The following EMCN variants were observed in gnomAD, a reference collection of about 807,000 sequenced individuals.
EMCN encodes MUC-14.
In EMCN, 37 loss-of-function variants were observed where a neutral mutation model predicts 38.4. The ratio of observed to expected loss-of-function variants is 0.96; its 90% CI spans 0.74 to 1.27. The LOEUF (loss-of-function observed/expected upper bound fraction) is 1.27, where lower values mean the gene tolerates loss of function less well. Ranked by LOEUF, EMCN falls within the 50% of genes most tolerant of loss-of-function variation. EMCN has a pLI of 0.00. For synonymous variants in EMCN, 95 were observed against 100.8 expected (o/e 0.94, Z 0.35); for missense variants, 318 against 302.8 (o/e 1.05, Z -0.37).
chr4:100,421,671 A>C (rs1726892574), intron 7 of EMCN, among the ~76,000 whole-genome samples: 2 of 151,980 alleles, frequency 1.3e-5, no homozygotes, highest in African/African-American at 4.8e-5. Context: ...CTGGAGAAGC[A>C]GAAGATGTAC....
At chr4:100,495,943 G>A (rs1337803865) in intron 1 of EMCN, among the ~76,000 whole-genome samples, 1 of 152,046 alleles carries the variant, frequency 6.6e-6, no homozygotes, top group Non-Finnish European at 1.5e-5. Context: ...AAGTAGAAGA[G>A]TAAAACAACT....
chr4:100,426,379 G>A (rs561356369), intron 5 of EMCN, among the ~76,000 whole-genome samples: 10 of 152,154 alleles, frequency 6.6e-5, no homozygotes, highest in East Asian at 1.9e-4. Flanking sequence ...ATTCCCTGAT[G>A]GTCTTGCTGA....
chr4:100,438,527 T>C (rs1345151157), intron 5 of EMCN, among the ~76,000 whole-genome samples: 1 of 152,074 alleles, frequency 6.6e-6, no homozygotes, highest in Admixed American at 6.6e-5. Flanking sequence ...GATTATTTCA[T>C]CTGCAAGTGG....
intron 5 of EMCN, among the ~76,000 whole-genome samples, chr4:100,432,616 G>A (rs893626234): frequency 6.6e-6 from 1 of 152,122 alleles, no homozygotes; most frequent in African/African-American, 2.4e-5. Context: ...TACCAGATAT[G>A]TTACAGTGGG....
intron 1 of EMCN, among the ~76,000 whole-genome samples, chr4:100,489,339 T>A (rs757726538): frequency 3.9e-5 from 6 of 152,212 alleles, no homozygotes; most frequent in African/African-American, 7.2e-5. Context: ...TTAGGGTATA[T>A]GATCTTATGG....
chr4:100,461,743 AC>A (rs1728184622), intron 4 of EMCN, among the ~76,000 whole-genome samples: 1 of 152,116 alleles, frequency 6.6e-6, no homozygotes, highest in African/African-American at 2.4e-5. Context: ...AATCTCACTA[AC>A]TCTTCTACTC....
chr4:100,413,912 G>A (rs1348222884), intron 10 of EMCN, among the ~76,000 whole-genome samples: 11 of 152,158 alleles, frequency 7.2e-5, no homozygotes, highest in Non-Finnish European at 1.3e-4. Context: ...GTCTGCCATC[G>A]TCTATTCCAC....
chr4:100,473,358 G>A (rs1423733895), intron 3 of EMCN, among the ~76,000 whole-genome samples: 2 of 58,414 alleles, frequency 3.4e-5, no homozygotes, highest in Non-Finnish European at 8.0e-5. Flanking sequence ...GGCATTTCCC[G>A]TTTCGTGTTT....
intron 3 of EMCN, among the ~76,000 whole-genome samples, chr4:100,470,659 T>C (rs1038942429): frequency 6.6e-6 from 1 of 151,940 alleles, no homozygotes; most frequent in Admixed American, 6.6e-5. Context: ...ACAAATTGGA[T>C]AAACAATATA....
rs191146522 is a variant in EMCN at position 100,447,557 on chromosome 4, A to T, written c.391T>A (p.Ser131Thr). The T allele has an allele frequency of 6.2e-7, 1 of 1,602,906 alleles. No individual in the cohort carries two copies. The highest frequency in any genetic ancestry group is 8.5e-7 in the Non-Finnish European group (1 of 1,171,088). Reference protein sequence around the residue: ...SSKPKTETQSSIKTTEIPGSV... With the variant: ...SSKPKTETQSTIKTTEIPGSV... ...CCTGGTATTTCTGTTGTTTTAATTG[A>T]ACTCTGAGTTTCAGCTTTAGAAGGA... Residue 131 changes from serine (S) to threonine (T), a missense_variant, in exon 5 of 12, where the codon TCA becomes ACA. Coordinates refer to ENST00000296420, the MANE Select transcript of EMCN (RefSeq NM_016242.4).
At position 100,423,384 on chromosome 4, in the gene EMCN, C is replaced by T; in HGVS notation, c.436G>A (p.Ala146Thr). 2 of 1,612,490 alleles carry T rather than the reference C, an allele frequency of 1.2e-6. No individual in the cohort carries two copies. The highest frequency in any genetic ancestry group is 8.5e-7 in the Non-Finnish European group (1 of 1,178,840). ...AATGTACCAGTTTTAGAAGGTGATGCATCTGGTTGTAGAACACTACCTGTA... is the reference window on the plus strand; with the variant it reads ...AATGTACCAGTTTTAGAAGGTGATGTATCTGGTTGTAGAACACTACCTGTA... ...EIPGSVLQPD[A>T]SPSKTGTLTS... The change falls in exon 6 of 12, where the codon GCA becomes ACA. Residue 146 changes from alanine to threonine, a missense_variant. Transcript: ENST00000296420.
At chr4:100,401,054 A>G (rs1726244466) in intron 11 of EMCN, among the ~76,000 whole-genome samples, 1 of 152,074 alleles carries the variant, frequency 6.6e-6, no homozygotes, top group Non-Finnish European at 1.5e-5. Context: ...TGTTTCTTTA[A>G]CACTACTGAC....
rs145155339 is a variant in EMCN, at chr4:100,480,710, C to G, written c.65-671G>C. Among the ~76,000 whole-genome samples the G allele has an allele frequency of 2.6e-5, 4 of 151,812 alleles. 1 individual carries two copies. The East Asian group carries it at 7.7e-4, about 29-fold the overall frequency. ...CCACATTTTTTAATTGTTTATTTCT[C>G]TAAATTTTAACATTAATTGGGCAGG... On this transcript the variant is annotated intron_variant, in intron 1 of 11. Transcript: ENST00000296420.
chr4:100,447,699 C>A (rs1181505599), intron 4 of EMCN, 128 bp from the exon 5 acceptor site: 3 of 612,032 alleles, frequency 4.9e-6, no homozygotes, highest in South Asian at 2.1e-5. Flanking sequence ...ATTTTCAAAT[C>A]ATAAAATCAT....
intron 3 of EMCN, among the ~76,000 whole-genome samples, chr4:100,472,786 G>T (rs1279442038): frequency 6.6e-6 from 1 of 151,786 alleles, no homozygotes; most frequent in African/African-American, 2.4e-5. Context: ...AGGCATATAG[G>T]TATAAGTGGA....
intron 11 of EMCN, among the ~76,000 whole-genome samples, chr4:100,398,991 C>CTGTAT (rs1726184585): frequency 6.6e-6 from 1 of 152,166 alleles, no homozygotes; most frequent in Non-Finnish European, 1.5e-5. Flanking sequence ...AGTTCAAGAT[C>CTGTAT]TGTTGCTTGG....
At chr4:100,508,456 A>G (rs1729541290) in intron 1 of EMCN, among the ~76,000 whole-genome samples, 2 of 152,176 alleles carry the variant, frequency 1.3e-5, no homozygotes, top group South Asian at 4.1e-4. Context: ...TTCTGTATTT[A>G]ACAAAGAACA....
chr4:100,428,755 C>T (rs542161311), intron 5 of EMCN, among the ~76,000 whole-genome samples: 1 of 152,200 alleles, frequency 6.6e-6, no homozygotes, highest in Non-Finnish European at 1.5e-5. Flanking sequence ...TATTTTTTCT[C>T]ATTCATTCGA....
Position 100,411,784 on chromosome 4 carries a change from T to C in EMCN, c.752-1429A>G, listed in dbSNP as rs565715611. ...CAGTAATATATGTTAATTTGCCAAA[T>C]TAACAACATGTTAAGATGAGGGAAA... On this transcript the variant is annotated intron_variant, in intron 10 of 11. Transcript: ENST00000296420. Among the ~76,000 whole-genome samples the C allele has an allele frequency of 3.9e-5, 6 of 152,334 alleles. No individual in the cohort carries two copies. The South Asian group carries it at 1.2e-3, about 32-fold the overall frequency.
Sources: gnomAD v4.1 joint callset for allele counts (sites outside exome capture counted in the v4.1 genomes callset) on GRCh38, gnomAD v4.1.1 for gene constraint, MANE v1.5 for transcripts, NCBI Gene and HGNC (gene_info 2026-07-23, HGNC 2026-07-21) for gene names.